Variants in PCSK1 observed in about 807,000 individuals in gnomAD.
PCSK1 encodes neuroendocrine convertase 1.
Under a neutral mutation model 90.6 loss-of-function variants are expected in PCSK1, and 56 were observed. That is an observed-to-expected ratio of 0.62 (90% CI 0.50 to 0.77). The LOEUF (loss-of-function observed/expected upper bound fraction) is 0.77, where lower values mean the gene tolerates loss of function less well. Among genes scored for constraint, PCSK1 ranks in the 30% least tolerant of loss-of-function variants. PCSK1 has a pLI of 0.00. For missense variants in PCSK1, 801 were observed against 932.6 expected, an observed-to-expected ratio of 0.86 and a Z score of 1.84; for synonymous variants, 348 against 342.4, an observed-to-expected ratio of 1.02 and a Z score of -0.18.
rs1799904 is a variant in PCSK1 at position 96,429,259 on chromosome 5, C to A, written c.239G>T (p.Arg80Leu). 4 of 1,604,506 alleles carry A rather than the reference C, an allele frequency of 2.5e-6. No homozygotes were observed. The African/African-American group carries it at 4.0e-5, about 16-fold the overall frequency. The change falls in exon 2 of 14, where the codon CGA (arginine) becomes CTA (leucine). Residue 80 changes from arginine to leucine, a missense_variant. Coordinates refer to ENST00000311106, the MANE Select transcript of PCSK1 (RefSeq NM_000439.5). Reference protein sequence around the residue: ...FKHKNHPRRSRRSAFHITKRL... With the variant: ...FKHKNHPRRSLRSAFHITKRL... ...CTTAGTGATATGAAAGGCACTCCTT[C>A]GAGACCTTCTGGGGTGGTTTTTATG...
chr5:96,415,962 C>T, intron 6 of PCSK1, 71 bp downstream of exon 6: 1 of 942,198 alleles, frequency 1.1e-6, no homozygotes, highest in Admixed American at 1.7e-5. Flanking sequence ...AAGCTCCCCT[C>T]CCCCATTTAC....
intron 9 of PCSK1, among the ~76,000 whole-genome samples, chr5:96,401,247 TG>T (rs1387036442): frequency 9.4e-4 from 143 of 152,178 alleles, no homozygotes; most frequent in Middle Eastern, 6.8e-3. Flanking sequence ...AGGAAAACTT[TG>T]TGGGGGAGAA....
Position 96,399,954 on chromosome 5 carries a change from T to A in PCSK1, c.1429A>T (p.Arg477Ter). The A allele has an allele frequency of 6.2e-7, 1 of 1,609,540 alleles. No individual in the cohort carries two copies. Among genetic ancestry groups the A allele is most frequent in the Non-Finnish European group, 8.5e-7 (1 of 1,175,836 alleles). ...TTTAAAATTCCAGGAGATACTTACC[T>A]GGGCTCAAAGTCATTGTCCTTTACA... is the stretch of plus-strand genomic sequence containing the variant. Reference protein sequence around the residue: ...CVVKDNDFEPRALKANGEVII... With the variant: ...CVVKDNDFEP Residue 477 changes from arginine to a stop codon, truncating the protein, a stop_gained and splice_region_variant, in exon 10 of 14, where the codon AGA (arginine) becomes TGA (stop). Coordinates refer to ENST00000311106, the MANE Select transcript of PCSK1 (RefSeq NM_000439.5). LOFTEE classifies it high-confidence loss of function.
chr5:96,402,531 C>T (rs1760416917), intron 9 of PCSK1, among the ~76,000 whole-genome samples: 1 of 152,144 alleles, frequency 6.6e-6, no homozygotes, highest in Non-Finnish European at 1.5e-5. Context: ...TGGTCCCTCC[C>T]CGCCTCACAC....
chr5:96,402,666 G>A (rs910066168), intron 9 of PCSK1, among the ~76,000 whole-genome samples: 8 of 152,064 alleles, frequency 5.3e-5, no homozygotes, highest in Non-Finnish European at 8.8e-5. Context: ...TGTTTTCTCC[G>A]GTTTCAGACT....
chr5:96,411,759 G>C (rs943943162), intron 7 of PCSK1, among the ~76,000 whole-genome samples: 17 of 152,196 alleles, frequency 1.1e-4, no homozygotes, highest in African/African-American at 3.6e-4. Context: ...TATGCTAAAA[G>C]TAATAAATTT....
intron 6 of PCSK1, 42 bp from the exon 7 acceptor site, chr5:96,412,532 A>G (rs763766092): frequency 1.3e-6 from 2 of 1,557,860 alleles, no homozygotes; most frequent in East Asian, 4.5e-5. Flanking sequence ...GGTTGATGTC[A>G]GTATGTACAT....
At chr5:96,405,505 A>G (rs1224847428) in intron 9 of PCSK1, among the ~76,000 whole-genome samples, 1 of 152,088 alleles carries the variant, frequency 6.6e-6, no homozygotes, top group Non-Finnish European at 1.5e-5. Flanking sequence ...TCCTACATAG[A>G]AAAAAGAAGG....
At chr5:96,428,231 A>G (rs1418514906) in intron 2 of PCSK1, among the ~76,000 whole-genome samples, 1 of 152,156 alleles carries the variant, frequency 6.6e-6, no homozygotes, top group Non-Finnish European at 1.5e-5. Flanking sequence ...CAACAGTTCT[A>G]TCACCTTTCT....
At chr5:96,428,694 A>G (rs2112449519) in intron 2 of PCSK1, among the ~76,000 whole-genome samples, 1 of 152,330 alleles carries the variant, frequency 6.6e-6, no homozygotes, top group East Asian at 1.9e-4. Flanking sequence ...TCTCTCATAA[A>G]CACTAGCTCC....
rs959659164 is a variant in PCSK1 at position 96,392,139 on chromosome 5, A to G, written c.*862T>C. On this transcript the variant is annotated 3_prime_UTR_variant, in exon 14 of 14. Transcript: ENST00000311106. ...TGGTTTCCTGTTACTGCTGAAAAAA[A>G]TTGTGACTAGGAATTTGCCAAGTCC... The G allele has an allele frequency of 6.6e-6, 1 of 151,926 alleles. No homozygotes were observed. The allele number at this position is 151,926 out of a possible 1,614,324, so 9.4% of individuals were successfully genotyped here. A position where few individuals can be genotyped will look rare whatever the true frequency, so the allele number is the denominator to read the frequency against.
chr5:96,406,475 C>T (rs1760567256), intron 9 of PCSK1, among the ~76,000 whole-genome samples: 1 of 152,208 alleles, frequency 6.6e-6, no homozygotes, highest in Admixed American at 6.5e-5. Flanking sequence ...CCTTACCAAA[C>T]ATCTTGCCAG....
intron 1 of PCSK1, chr5:96,432,175 G>C (rs1761524684): frequency 6.6e-7 from 1 of 1,524,032 alleles, no homozygotes; most frequent in Non-Finnish European, 8.8e-7. Flanking sequence ...AAGTTATGAA[G>C]CTTGGACTTT....
At chr5:96,407,199 A>T (rs76284094) in intron 9 of PCSK1, among the ~76,000 whole-genome samples, 3,078 of 152,306 alleles carry the variant, frequency 0.02, 118 homozygotes, top group African/African-American at 0.071. Context: ...ATACATATTA[A>T]CTACATTTCA....
intron 13 of PCSK1, among the ~76,000 whole-genome samples, chr5:96,394,361 T>C (rs925169997): frequency 1.3e-5 from 2 of 152,224 alleles, no homozygotes; most frequent in African/African-American, 2.4e-5. Flanking sequence ...GTGTGATCTA[T>C]CGCTCCCCTT....
intron 3 of PCSK1, among the ~76,000 whole-genome samples, chr5:96,424,065 T>A (rs1761209457): frequency 6.7e-6 from 1 of 149,234 alleles, no homozygotes; most frequent in Admixed American, 6.6e-5. Flanking sequence ...TTTCTGATAG[T>A]CAGAGTGTGG....
chr5:96,432,123 G>A, intron 1 of PCSK1: 2 of 1,535,706 alleles, frequency 1.3e-6, no homozygotes, highest in Middle Eastern at 1.7e-4. Context: ...CTTCCCCATA[G>A]TCAGTTCGGC....
intron 9 of PCSK1, among the ~76,000 whole-genome samples, chr5:96,401,497 G>A (rs1004707676): frequency 1.3e-5 from 2 of 152,188 alleles, no homozygotes; most frequent in South Asian, 2.1e-4. Context: ...GAATTTTTGA[G>A]TAAGGAAATA....
At chr5:96,430,166 G>A (rs1368585156) in intron 1 of PCSK1, among the ~76,000 whole-genome samples, 1 of 152,168 alleles carries the variant, frequency 6.6e-6, no homozygotes, top group African/African-American at 2.4e-5. Context: ...TAGGGCAGTT[G>A]TCCCACTTTA....
Sources: allele counts gnomAD v4.1 joint callset (sites outside exome capture counted in the v4.1 genomes callset), GRCh38; gene constraint gnomAD v4.1.1; transcripts MANE v1.5; gene names NCBI Gene and HGNC (gene_info 2026-07-23, HGNC 2026-07-21).